Variants in CFTR observed in about 807,000 individuals in gnomAD.
CFTR encodes the protein CF transmembrane conductance regulator, also known as cystic fibrosis transmembrane conductance regulator.
In CFTR, 181 loss-of-function variants were observed where a neutral mutation model predicts 171.6. That is an observed-to-expected ratio of 1.05 (90% CI 0.93 to 1.19). The LOEUF is 1.19. CFTR is among the 50% of genes most tolerant of loss of function. The pLI is 0.00. For missense variants in CFTR, 1,968 were observed against 1,734.7 expected, an observed-to-expected ratio of 1.13 and a Z score of -2.39; for synonymous variants, 583 against 608.0, an observed-to-expected ratio of 0.96 and a Z score of 0.60.
At chr7:117,506,465 T>C (rs978874138) in intron 2 of CFTR, among the ~76,000 whole-genome samples, 25 of 152,156 alleles carry the variant, frequency 1.6e-4, no homozygotes, top group South Asian at 4.1e-4. Flanking sequence ...AGGCTGGTCT[T>C]GAACTCCTGA....
intron 14 of CFTR, among the ~76,000 whole-genome samples, chr7:117,593,168 T>A (rs1200615317): frequency 6.6e-6 from 1 of 152,198 alleles, no homozygotes; most frequent in African/African-American, 2.4e-5. Flanking sequence ...ATCTTGTGAG[T>A]TTGCTTTATA....
Position 117,667,112 on chromosome 7 carries a change from G to A in CFTR, c.*4G>A, listed in dbSNP as rs1330905604. The A allele has an allele frequency of 4.3e-6, 7 of 1,613,286 alleles. No individual in the cohort carries two copies. Among genetic ancestry groups the A allele is most frequent in the Admixed American group, 3.3e-5 (2 of 59,946 alleles). ...GGTGCAAGATACAAGGCTTTAGAGA[G>A]CAGCATAAATGTTGACATGGGACAT... On this transcript the variant is annotated 3_prime_UTR_variant, in exon 27 of 27. Transcript: ENST00000003084.
At chr7:117,602,938 T>C (rs974600655) in intron 16 of CFTR, 75 bp downstream of exon 16, 1 of 1,263,904 alleles carries the variant, frequency 7.9e-7, no homozygotes, top group Non-Finnish European at 1.2e-6. Flanking sequence ...ACTATGTTTG[T>C]ATGTATTGTA....
chr7:117,627,510 T>C lies in CFTR; in HGVS notation c.3469-12T>C. ...ATTCTTAAAAACAAAAATGTTGTTATTTTTATTTCAGATGCGATCTGTGAG... is the reference window on the plus strand; with the variant it reads ...ATTCTTAAAAACAAAAATGTTGTTACTTTTATTTCAGATGCGATCTGTGAG... On this transcript the variant is annotated splice_polypyrimidine_tract_variant and intron_variant, in intron 21 of 26. Transcript: ENST00000003084. The C allele has an allele frequency of 6.2e-7, 1 of 1,612,784 alleles. No homozygotes were observed. The highest frequency in any genetic ancestry group is 1.1e-5 in the South Asian group (1 of 90,996).
intron 3 of CFTR, among the ~76,000 whole-genome samples, chr7:117,522,707 A>G (rs1798702623): frequency 6.6e-6 from 1 of 152,182 alleles, no homozygotes; most frequent in Non-Finnish European, 1.5e-5. Flanking sequence ...TGAGTAATGG[A>G]GTACAGTCAG....
chr7:117,504,756 T>TAAAAAA (rs372341779), intron 2 of CFTR, among the ~76,000 whole-genome samples: 1 of 121,126 alleles, frequency 8.3e-6, no homozygotes, highest in East Asian at 2.6e-4. Context: ...CCTCTCTCTC[T>TAAAAAA]AAAAAAAAAA....
chr7:117,652,919 A>C lies in CFTR; in HGVS notation c.3951A>C (p.Lys1317Asn). The change falls in exon 24 of 27, where the codon AAA (lysine) becomes AAC (asparagine). Residue 1317 changes from lysine to asparagine, a missense_variant. Lys to Asn is a moderately conservative substitution (Grantham distance 94, BLOSUM62 0). Coordinates refer to ENST00000003084, the MANE Select transcript of CFTR (RefSeq NM_000492.4). ...YEQWSDQEIW[K>N]VADEVGLRSV... ...AGTGGAGTGATCAAGAAATATGGAA[A>C]GTTGCAGATGAGGTAAGGCTGCTAA... The C allele has an allele frequency of 6.2e-7, 1 of 1,600,008 alleles. No homozygotes were observed. Among genetic ancestry groups the C allele is most frequent in the Admixed American group, 1.7e-5 (1 of 59,962 alleles).
chr7:117,488,090 C>T (rs970087122), intron 1 of CFTR, among the ~76,000 whole-genome samples: 2 of 152,070 alleles, frequency 1.3e-5, no homozygotes, highest in African/African-American at 4.8e-5. Context: ...AAGACCATTG[C>T]TATACTTTTT....
chr7:117,664,829 C>T lies in CFTR; in HGVS notation c.4105C>T (p.Leu1369Phe), dbSNP rs767002769. 2 of 1,613,970 alleles carry T rather than the reference C, an allele frequency of 1.2e-6. No individual in the cohort carries two copies. The highest frequency in any genetic ancestry group is 1.7e-6 in the Non-Finnish European group (2 of 1,179,890). Residue 1369 changes from leucine to phenylalanine, a missense_variant, in exon 25 of 27, where the codon CTT becomes TTT. By Grantham distance (22) the Leu-to-Phe change is conservative. Transcript: ENST00000003084. ...SVLSKAKILLLDEPSAHLDPV... is the reference protein window; with the variant it reads ...SVLSKAKILLFDEPSAHLDPV... ...TCTCAGTAAGGCGAAGATCTTGCTG[C>T]TTGATGAACCCAGTGCTCATTTGGA...
intron 1 of CFTR, among the ~76,000 whole-genome samples, chr7:117,497,150 C>G (rs894419943): frequency 6.6e-6 from 1 of 152,098 alleles, no homozygotes; most frequent in African/African-American, 2.4e-5. Context: ...AATTCTGACT[C>G]TGCCCTTGAC....
intron 11 of CFTR, among the ~76,000 whole-genome samples, chr7:117,572,281 T>C (rs951921680): frequency 8.5e-5 from 13 of 152,170 alleles, no homozygotes; most frequent in African/African-American, 3.1e-4. Context: ...GAATTACAGG[T>C]GTAAGTCACC....
At chr7:117,543,222 G>A (rs1799086597) in intron 9 of CFTR, among the ~76,000 whole-genome samples, 1 of 152,154 alleles carries the variant, frequency 6.6e-6, no homozygotes, top group Non-Finnish European at 1.5e-5. Context: ...TAAGTAACTT[G>A]AGCACCAGCG....
chr7:117,624,860 TGA>T (rs1331556364), intron 21 of CFTR, among the ~76,000 whole-genome samples: 1 of 152,200 alleles, frequency 6.6e-6, no homozygotes, highest in Non-Finnish European at 1.5e-5. Flanking sequence ...ATATCTGACT[TGA>T]GTTTCAAAAG....
At chr7:117,580,629 G>C (rs542452749) in intron 11 of CFTR, among the ~76,000 whole-genome samples, 1 of 152,106 alleles carries the variant, frequency 6.6e-6, no homozygotes, top group East Asian at 1.9e-4. Flanking sequence ...GTAAATGCCA[G>C]GGTAAATCAC....
rs759762840 is a variant in CFTR at position 117,540,089 on chromosome 7, GTTT to G, written c.870-7_870-5del. Reference sequence around the variant, plus strand: ...TAACATCCTGAATTTTATTGTTATTGTTTTTTATAGAACAGAACTGAAACTGAC... The same window carrying G: ...TAACATCCTGAATTTTATTGTTATTGTTTATAGAACAGAACTGAAACTGAC... On this transcript the variant is annotated splice_polypyrimidine_tract_variant and splice_region_variant and intron_variant, in intron 7 of 26. Coordinates refer to ENST00000003084, the MANE Select transcript of CFTR (RefSeq NM_000492.4). 2.1e-4 allele frequency: 331 copies of G among 1,608,174 alleles called. 5 individuals carry two copies. The South Asian group carries it at 3.6e-3, about 17-fold the overall frequency.
chr7:117,615,996 C>T (rs1391999447), intron 21 of CFTR, among the ~76,000 whole-genome samples: 4 of 151,996 alleles, frequency 2.6e-5, no homozygotes, highest in Non-Finnish European at 4.4e-5. Context: ...TTTCCTTGTT[C>T]TCTGAGACAG....
At chr7:117,654,585 C>G (rs865845175) in intron 24 of CFTR, among the ~76,000 whole-genome samples, 18 of 152,128 alleles carry the variant, frequency 1.2e-4, no homozygotes, top group African/African-American at 3.9e-4. Flanking sequence ...AGTGAGTTCT[C>G]ACGAGATCCA....
chr7:117,612,006 G>GATATATATATATGTATATATATATAT (rs1792397712), intron 20 of CFTR, among the ~76,000 whole-genome samples, 198 bp downstream of exon 20: 5 of 76,790 alleles, frequency 6.5e-5, no homozygotes, highest in Non-Finnish European at 2.6e-5. Flanking sequence ...CTTGAAATCG[G>GATATATATATATGTATATATATATAT]ATATATATAT....
chr7:117,481,117 A>G (rs1462030252), intron 1 of CFTR, among the ~76,000 whole-genome samples: 2 of 152,234 alleles, frequency 1.3e-5, no homozygotes, highest in African/African-American at 2.4e-5. Flanking sequence ...GAAGGAATTT[A>G]GCTTTCACAT....
Sources: allele counts gnomAD v4.1 joint callset (sites outside exome capture counted in the v4.1 genomes callset), GRCh38; gene constraint gnomAD v4.1.1; transcripts MANE v1.5; gene names NCBI Gene and HGNC (gene_info 2026-07-23, HGNC 2026-07-21).